EIF2AK4: variants seen among roughly 807,000 people sequenced by gnomAD.
EIF2AK4 encodes the protein eIF-2-alpha kinase GCN2.
Under a neutral mutation model 211.1 loss-of-function variants are expected in EIF2AK4, and 139 were observed. The observed-to-expected ratio is 0.66, with a 90% CI of 0.57 to 0.76. The LOEUF is 0.76. Ranked by LOEUF, EIF2AK4 falls within the 30% of genes least tolerant of loss-of-function variation. The pLI, the probability that EIF2AK4 is intolerant of heterozygous loss-of-function variation, is 0.00. For missense variants in EIF2AK4, 1,664 were observed against 2,043.8 expected (o/e 0.81, Z 3.58); for synonymous variants, 710 against 751.3 (o/e 0.94, Z 0.90).
chr15:40,009,069 TTTTTGTTTTGTTTTGTTTTG>T (rs57240792), intron 25 of EIF2AK4, among the ~76,000 whole-genome samples: 6 of 146,784 alleles, frequency 4.1e-5, no homozygotes, highest in African/African-American at 1.5e-4. Flanking sequence ...GTCAGAGTTG[TTTTTGTTTTGTTTTGTTTTG>T]TTTTGTTTTG....
chr15:39,957,731 T>C (rs2034410744), intron 6 of EIF2AK4, among the ~76,000 whole-genome samples: 1 of 152,178 alleles, frequency 6.6e-6, no homozygotes, highest in African/African-American at 2.4e-5. Context: ...CAACATCTGA[T>C]GCAGGGAGGG....
chr15:40,035,000 C>A, intron 38 of EIF2AK4, 27 bp from the exon 39 acceptor site: 2 of 1,558,578 alleles, frequency 1.3e-6, no homozygotes, highest in Non-Finnish European at 1.7e-6. Flanking sequence ...CTGAGTCTGT[C>A]CTTATATCTT....
intron 7 of EIF2AK4, among the ~76,000 whole-genome samples, chr15:39,965,421 G>A (rs1219019478): frequency 6.6e-6 from 1 of 152,168 alleles, no homozygotes; most frequent in Non-Finnish European, 1.5e-5. Flanking sequence ...ACCACGCCTG[G>A]CCAAACATTG....
chr15:39,951,718 G>T, intron 4 of EIF2AK4: 1 of 189,000 alleles, frequency 5.3e-6, no homozygotes. Context: ...TCTGTAGCCA[G>T]TGGCTTCAAC....
At chr15:39,961,948 A>C (rs1566987001) in intron 7 of EIF2AK4, 49 bp downstream of exon 7, 1 of 1,449,624 alleles carries the variant, frequency 6.9e-7, no homozygotes, top group Non-Finnish European at 9.7e-7. Context: ...GGCAAAAGTT[A>C]ATCACAAAGG....
intron 13 of EIF2AK4, among the ~76,000 whole-genome samples, chr15:39,984,971 T>C (rs2034844698): frequency 1.3e-5 from 2 of 152,234 alleles, no homozygotes; most frequent in African/African-American, 4.8e-5. Context: ...CCATTCCATA[T>C]GATACTGGCT....
intron 1 of EIF2AK4, among the ~76,000 whole-genome samples, chr15:39,937,272 A>C (rs1376546890): frequency 6.6e-6 from 1 of 152,140 alleles, no homozygotes; most frequent in East Asian, 1.9e-4. Context: ...CTTCAACAAT[A>C]CTATATATGT....
At chr15:40,019,467 G>C (rs2035354123) in intron 30 of EIF2AK4, among the ~76,000 whole-genome samples, 1 of 152,196 alleles carries the variant, frequency 6.6e-6, no homozygotes, top group African/African-American at 2.4e-5. Context: ...TCCAGGGCCT[G>C]TTACGAACCG....
chr15:40,034,526 C>A, intron 38 of EIF2AK4, 82 bp downstream of exon 38: 1 of 1,111,254 alleles, frequency 9.0e-7, no homozygotes, highest in South Asian at 1.3e-5. Context: ...ATTTTGTTGT[C>A]TTGTTGAGGT....
At chr15:39,994,848 A>ATTC (rs1386272953) in intron 18 of EIF2AK4, among the ~76,000 whole-genome samples, 1 of 151,720 alleles carries the variant, frequency 6.6e-6, no homozygotes, top group Non-Finnish European at 1.5e-5. Flanking sequence ...TATTATTATT[A>ATTC]TTATTATTTT....
At chr15:40,001,625 C>T (rs2035092784) in intron 21 of EIF2AK4, among the ~76,000 whole-genome samples, 1 of 121,922 alleles carries the variant, frequency 8.2e-6, no homozygotes, top group South Asian at 3.0e-4. Flanking sequence ...CAGAGCAAGA[C>T]CCCAACTCAA....
chr15:39,960,519 G>A (rs2034456157), intron 6 of EIF2AK4, among the ~76,000 whole-genome samples: 1 of 152,152 alleles, frequency 6.6e-6, no homozygotes, highest in Non-Finnish European at 1.5e-5. Flanking sequence ...TAGAGCGAGT[G>A]GAGGGAGTGG....
intron 32 of EIF2AK4, among the ~76,000 whole-genome samples, chr15:40,023,028 T>C (rs1319176596): frequency 2.6e-5 from 4 of 152,062 alleles, no homozygotes; most frequent in Non-Finnish European, 5.9e-5. Flanking sequence ...CGCCCGGCCG[T>C]TGTTGGGTTT....
chr15:40,030,322 G>T, intron 34 of EIF2AK4, 37 bp from the exon 35 acceptor site: 1 of 1,599,770 alleles, frequency 6.3e-7, no homozygotes. Flanking sequence ...AGTGGGACCA[G>T]ATAAGGCCAT....
At chr15:39,938,712 T>C (rs796583750) in intron 1 of EIF2AK4, among the ~76,000 whole-genome samples, 11 of 152,314 alleles carry the variant, frequency 7.2e-5, no homozygotes, top group African/African-American at 2.4e-4. Context: ...CCTGTGTATC[T>C]GTAGGCAAGA....
In EIF2AK4 at chr15:40,017,501, C is replaced by CTA. The variant is rs202237104; in HGVS notation, c.4065+311_4065+312dup. On this transcript the variant is annotated intron_variant, in intron 29 of 38. Transcript: ENST00000263791. ...GGCTCATGTACCCTTTACTCTGTTTCTATATATATATATATATATATATAT... is the reference window on the plus strand; with the variant it reads ...GGCTCATGTACCCTTTACTCTGTTTCTATATATATATATATATATATATATAT... Among the ~76,000 whole-genome samples the CTA allele has an allele frequency of 2.0e-3, 53 of 26,084 alleles. 2 individuals are homozygous for CTA. The highest frequency in any genetic ancestry group is 2.9e-3 in the Non-Finnish European group (39 of 13,620). The allele number at this position is 26,084 out of a possible 152,430, so 17.1% of individuals were successfully genotyped here. A position where few individuals can be genotyped will look rare whatever the true frequency, so the allele number is the denominator to read the frequency against.
intron 8 of EIF2AK4, among the ~76,000 whole-genome samples, chr15:39,966,879 A>G (rs576862488): frequency 1.3e-5 from 2 of 152,278 alleles, no homozygotes; most frequent in South Asian, 4.1e-4. Context: ...CCTCTTTGCC[A>G]TGTGAGGTTC....
chr15:39,989,157 C>T (rs983772436), intron 15 of EIF2AK4, among the ~76,000 whole-genome samples: 5 of 152,092 alleles, frequency 3.3e-5, no homozygotes, highest in Admixed American at 1.3e-4. Context: ...CTTAGCTTGT[C>T]GCATGTCTAA....
intron 33 of EIF2AK4, among the ~76,000 whole-genome samples, chr15:40,028,143 A>G (rs1236810225): frequency 6.6e-6 from 1 of 150,594 alleles, no homozygotes; most frequent in Non-Finnish European, 1.5e-5. Context: ...TGTATACATG[A>G]CTCACTATAG....
Sources: allele counts gnomAD v4.1 joint callset (sites outside exome capture counted in the v4.1 genomes callset), GRCh38; gene constraint gnomAD v4.1.1; transcripts MANE v1.5; gene names NCBI Gene and HGNC (gene_info 2026-07-23, HGNC 2026-07-21).